The following FAF1 variants were observed in gnomAD, a reference collection of about 807,000 sequenced individuals.
FAF1 encodes the protein Fas associated factor 1, also known as FAS-associated factor 1.
Under a neutral mutation model 92.5 loss-of-function variants are expected in FAF1, and 25 were observed. The ratio of observed to expected loss-of-function variants is 0.27; its 90% confidence interval spans 0.20 to 0.38. The LOEUF is 0.38. Ranked by LOEUF, FAF1 falls within the 10% of genes least tolerant of loss-of-function variation. FAF1 has a pLI of 1.00. For synonymous variants in FAF1, 234 were observed against 273.2 expected (o/e 0.86, Z 1.42); for missense variants, 636 against 793.3 (o/e 0.80, Z 2.38).
At chr1:50,601,753 TAC>T (rs1050446133) in intron 8 of FAF1, among the ~76,000 whole-genome samples, 5 of 151,610 alleles carry the variant, frequency 3.3e-5, no homozygotes, top group Admixed American at 1.3e-4. Context: ...TATTCATATA[TAC>T]ACATATATAT....
At chr1:50,894,007 C>T (rs1644739363) in intron 1 of FAF1, among the ~76,000 whole-genome samples, 2 of 152,138 alleles carry the variant, frequency 1.3e-5, no homozygotes, top group South Asian at 4.1e-4. Context: ...TGCCAGGCTA[C>T]TGCCAATGTT....
chr1:50,960,116 G>T lies in FAF1; in HGVS notation c.-305C>A. ...CGGTCTTACAGTCGCGGGCCAGGAT[G>T]AGGGCAGGTTGCGACAGCGCGCACC... On this transcript the variant is annotated 5_prime_UTR_variant, in exon 1 of 19. Transcript: ENST00000396153. 2.6e-6 allele frequency: 1 copy of T among 383,268 alleles called. No individual in the cohort carries two copies. Among genetic ancestry groups the T allele is most frequent in the South Asian group, 1.3e-4 (1 of 7,646 alleles). The allele number at this position is 383,268 out of a possible 1,614,324, so 23.7% of individuals were successfully genotyped here. A position where few individuals can be genotyped will look rare whatever the true frequency, so the allele number is the denominator to read the frequency against.
chr1:50,856,942 T>C (rs1644394915), intron 2 of FAF1, among the ~76,000 whole-genome samples: 1 of 151,692 alleles, frequency 6.6e-6, no homozygotes. Context: ...TAAAACAATC[T>C]CAGTTGTCTA....
chr1:50,749,554 G>C (rs1659767262), intron 4 of FAF1, among the ~76,000 whole-genome samples: 2 of 152,142 alleles, frequency 1.3e-5, no homozygotes, highest in African/African-American at 4.8e-5. Context: ...GGGAAGCCAA[G>C]GTAGAAGGAC....
At chr1:50,808,339 A>G (rs1231869687) in intron 2 of FAF1, among the ~76,000 whole-genome samples, 1 of 152,196 alleles carries the variant, frequency 6.6e-6, no homozygotes, top group Admixed American at 6.5e-5. Flanking sequence ...GATAATATAA[A>G]GCAACCGCAC....
chr1:50,539,496 A>G lies in FAF1; in HGVS notation c.1405+96T>C, dbSNP rs183404566. ...ATATTCTATATTTTCAAATGCAAAG[A>G]TATTTACTAATAGAAATATTGTCAG... On this transcript the variant is annotated intron_variant, in intron 14 of 18. Transcript: ENST00000396153. The G allele has an allele frequency of 1.5e-5, 12 of 791,816 alleles. No individual in the cohort carries two copies. The African/African-American group carries it at 2.0e-4, about 13-fold the overall frequency. The allele number at this position is 791,816 out of a possible 1,614,324, so 49.0% of individuals were successfully genotyped here.
intron 15 of FAF1, among the ~76,000 whole-genome samples, chr1:50,501,326 C>T (rs1646981404): frequency 6.6e-6 from 1 of 152,098 alleles, no homozygotes; most frequent in African/African-American, 2.4e-5. Flanking sequence ...CAAACTAAAA[C>T]CACAGTGAGA....
chr1:50,537,241 T>C (rs1281905574), intron 14 of FAF1, among the ~76,000 whole-genome samples: 3 of 152,216 alleles, frequency 2.0e-5, no homozygotes, highest in East Asian at 3.8e-4. Flanking sequence ...ATAGGTTGAC[T>C]ACATACTGAC....
At chr1:50,644,672 T>C (rs1319597496) in intron 8 of FAF1, among the ~76,000 whole-genome samples, 3 of 152,246 alleles carry the variant, frequency 2.0e-5, no homozygotes, top group Non-Finnish European at 4.4e-5. Flanking sequence ...AAGACTCTCA[T>C]AGAACTCTTG....
intron 13 of FAF1, among the ~76,000 whole-genome samples, chr1:50,541,446 A>C (rs918585626): frequency 3.9e-5 from 6 of 152,200 alleles, no homozygotes; most frequent in Admixed American, 3.9e-4. Context: ...ACACCCATAT[A>C]GCTTAACTCA....
chr1:50,763,251 C>A (rs1206799176), intron 4 of FAF1, among the ~76,000 whole-genome samples: 3 of 151,874 alleles, frequency 2.0e-5, no homozygotes, highest in Non-Finnish European at 4.4e-5. Context: ...GAGTTAGGCT[C>A]CATCTCAAAA....
chr1:50,500,836 C>T (rs1646975109), intron 15 of FAF1, among the ~76,000 whole-genome samples: 1 of 151,992 alleles, frequency 6.6e-6, no homozygotes, highest in Admixed American at 6.6e-5. Flanking sequence ...ATGTAGAAGA[C>T]AAATATTATT....
At chr1:50,877,476 C>A (rs1266856244) in intron 1 of FAF1, among the ~76,000 whole-genome samples, 2 of 151,902 alleles carry the variant, frequency 1.3e-5, no homozygotes, top group Non-Finnish European at 2.9e-5. Flanking sequence ...TAGATGGCAT[C>A]CTGGAACAGA....
At chr1:50,888,410 A>G (rs1269516209) in intron 1 of FAF1, among the ~76,000 whole-genome samples, 1 of 152,100 alleles carries the variant, frequency 6.6e-6, no homozygotes, top group Non-Finnish European at 1.5e-5. Flanking sequence ...TTCCAACACT[A>G]TGTTGAAAAG....
intron 2 of FAF1, among the ~76,000 whole-genome samples, chr1:50,823,992 G>A (rs1644069520): frequency 6.6e-6 from 1 of 152,056 alleles, no homozygotes; most frequent in Non-Finnish European, 1.5e-5. Context: ...AACCATGTAA[G>A]TAAAAATTAA....
At chr1:50,726,931 T>G (rs544670288) in intron 6 of FAF1, among the ~76,000 whole-genome samples, 10 of 152,372 alleles carry the variant, frequency 6.6e-5, no homozygotes, top group Non-Finnish European at 1.5e-4. Flanking sequence ...GACTGTCTTT[T>G]ATTATCAAGA....
At chr1:50,489,724 C>T (rs1646807919) in intron 17 of FAF1, among the ~76,000 whole-genome samples, 3 of 152,086 alleles carry the variant, frequency 2.0e-5, no homozygotes, top group Admixed American at 2.0e-4. Flanking sequence ...TGGAAAAAAT[C>T]AATGAAGCTA....
chr1:50,605,377 A>C (rs1022971749), intron 8 of FAF1, among the ~76,000 whole-genome samples: 5 of 152,232 alleles, frequency 3.3e-5, no homozygotes, highest in African/African-American at 1.2e-4. Flanking sequence ...CACAATAAGA[A>C]ATACAACCCA....
chr1:50,649,295 G>A (rs571019499), intron 8 of FAF1, among the ~76,000 whole-genome samples: 1 of 152,066 alleles, frequency 6.6e-6, no homozygotes, highest in South Asian at 2.1e-4. Context: ...TGGGATTACA[G>A]GCATGCGCCA....
Sources: gnomAD v4.1 joint callset for allele counts (sites outside exome capture counted in the v4.1 genomes callset) on GRCh38, gnomAD v4.1.1 for gene constraint, MANE v1.5 for transcripts, NCBI Gene and HGNC (gene_info 2026-07-23, HGNC 2026-07-21) for gene names.